The following BABAM2 variants were observed in gnomAD, a reference collection of about 807,000 sequenced individuals.
The protein encoded by BABAM2 is BRISC and BRCA1-A complex member 2.
In BABAM2, 31 loss-of-function variants were observed where a neutral mutation model predicts 54.7. The observed-to-expected ratio is 0.57, with a 90% CI of 0.43 to 0.77. The LOEUF (loss-of-function observed/expected upper bound fraction) is 0.77, where lower values mean the gene tolerates loss of function less well. BABAM2 is among the 30% of genes least tolerant of loss of function. The probability of loss-of-function intolerance (pLI) is 0.00; values close to 1 mark genes in which losing one functional copy is unlikely to be tolerated. For missense variants in BABAM2, 364 were observed against 455.8 expected, an observed-to-expected ratio of 0.80 and a Z score of 1.83; for synonymous variants, 167 against 162.9, an observed-to-expected ratio of 1.03 and a Z score of -0.19.
intron 3 of BABAM2, among the ~76,000 whole-genome samples, chr2:27,971,708 A>G (rs541520372): frequency 5.3e-5 from 8 of 151,822 alleles, no homozygotes; most frequent in African/African-American, 1.4e-4. Context: ...TTTTTTTTCA[A>G]TGTTTTACTA....
At chr2:28,232,351 C>G (rs1681489028) in intron 7 of BABAM2, among the ~76,000 whole-genome samples, 1 of 152,222 alleles carries the variant, frequency 6.6e-6, no homozygotes. Flanking sequence ...GCCAAGCTTT[C>G]AGACAGGCTG....
intron 6 of BABAM2, among the ~76,000 whole-genome samples, chr2:28,075,741 G>A (rs1664604896): frequency 6.6e-6 from 1 of 152,118 alleles, no homozygotes; most frequent in South Asian, 2.1e-4. Flanking sequence ...AGAAGTCACT[G>A]CAAATAGGCA....
At chr2:28,120,447 G>A (rs1490721047) in intron 6 of BABAM2, among the ~76,000 whole-genome samples, 1 of 152,160 alleles carries the variant, frequency 6.6e-6, no homozygotes, top group Admixed American at 6.5e-5. Flanking sequence ...AGAGGATATA[G>A]TATCATGATT....
chr2:28,252,230 AAATT>A (rs1169095858), intron 10 of BABAM2, among the ~76,000 whole-genome samples: 1 of 152,044 alleles, frequency 6.6e-6, no homozygotes, highest in Non-Finnish European at 1.5e-5. Flanking sequence ...ACAGGAATGA[AAATT>A]AATTATCAAC....
intron 11 of BABAM2, among the ~76,000 whole-genome samples, chr2:28,315,126 G>A (rs1689417496): frequency 7.5e-6 from 1 of 133,308 alleles, no homozygotes; most frequent in South Asian, 2.3e-4. Flanking sequence ...GGGAAGGGAA[G>A]GGAGAGAAGG....
intron 11 of BABAM2, among the ~76,000 whole-genome samples, chr2:28,314,828 G>C (rs1172397112): frequency 6.6e-6 from 1 of 152,016 alleles, no homozygotes; most frequent in Non-Finnish European, 1.5e-5. Flanking sequence ...GGTAGGATTT[G>C]ATGTGCAGAG....
At chr2:27,911,232 A>T (rs1365869891) in intron 2 of BABAM2, among the ~76,000 whole-genome samples, 1 of 152,188 alleles carries the variant, frequency 6.6e-6, no homozygotes, top group African/African-American at 2.4e-5. Context: ...ATACACTAGT[A>T]TTATGAATAG....
intron 4 of BABAM2, among the ~76,000 whole-genome samples, chr2:28,018,688 TG>T (rs1675026623): frequency 6.6e-6 from 1 of 152,220 alleles, no homozygotes; most frequent in Admixed American, 6.5e-5. Context: ...TTTTTGATTT[TG>T]GTCATTCTTG....
intron 7 of BABAM2, among the ~76,000 whole-genome samples, chr2:28,169,437 T>G (rs1449292785): frequency 6.6e-6 from 1 of 152,126 alleles, no homozygotes; most frequent in Non-Finnish European, 1.5e-5. Context: ...TGACAAGCAT[T>G]TATTCCCCAA....
At chr2:28,165,050 T>C (rs1673499115) in intron 7 of BABAM2, among the ~76,000 whole-genome samples, 1 of 152,220 alleles carries the variant, frequency 6.6e-6, no homozygotes, top group African/African-American at 2.4e-5. Flanking sequence ...TTTGTTTAGC[T>C]CCTACTGTGT....
At chr2:28,081,075 A>G (rs1402775321) in intron 6 of BABAM2, among the ~76,000 whole-genome samples, 1 of 152,200 alleles carries the variant, frequency 6.6e-6, no homozygotes, top group Non-Finnish European at 1.5e-5. Flanking sequence ...CCTTCCTAGC[A>G]GTTGGTGAAG....
chr2:27,901,708 A>G (rs890230447), intron 2 of BABAM2, among the ~76,000 whole-genome samples: 1 of 152,170 alleles, frequency 6.6e-6, no homozygotes, highest in Non-Finnish European at 1.5e-5. Context: ...ATTTTTGTCT[A>G]TGGCCATACC....
In BABAM2 at chr2:28,135,570, G is replaced by A. The variant is rs148741444; in HGVS notation, c.680+6190G>A. Among the ~76,000 whole-genome samples, 652 of 152,190 alleles carry A rather than the reference G, an allele frequency of 4.3e-3. 7 individuals carry two copies. The highest frequency in any genetic ancestry group is 0.015 in the African/African-American group (621 of 41,504). On this transcript the variant is annotated intron_variant, in intron 7 of 11. Coordinates refer to ENST00000379624, the MANE Select transcript of BABAM2 (RefSeq NM_199191.3). Reference sequence around the variant, plus strand: ...TACAGATCTGCTTCTCTAACCACTAGATAGACATGTCTATCTGTGTGTTCA... The same window carrying A: ...TACAGATCTGCTTCTCTAACCACTAAATAGACATGTCTATCTGTGTGTTCA...
intron 7 of BABAM2, chr2:28,134,413 C>A (rs1450362340): frequency 2.0e-5 from 3 of 152,276 alleles, no homozygotes; most frequent in African/African-American, 7.2e-5. Context: ...TGTAGTGAAC[C>A]CAAAGGTTAA....
At position 28,029,193 on chromosome 2, in the gene BABAM2, T is replaced by G. The variant is rs78902596; in HGVS notation, c.495+3773T>G. The stretch of plus-strand genomic sequence containing the variant: ...TTGTTCAGTTCAAGGTTTTTTTCCT[T>G]TTGTAAAGTCTTGAATTTATATTTC... On this transcript the variant is annotated intron_variant, in intron 5 of 11. Coordinates refer to ENST00000379624, the MANE Select transcript of BABAM2 (RefSeq NM_199191.3). Among the ~76,000 whole-genome samples, 407 of 152,342 alleles carry G rather than the reference T, an allele frequency of 2.7e-3. 14 individuals are homozygous for G. In the East Asian group the frequency reaches 0.07, roughly 26 times the overall value.
intron 3 of BABAM2, among the ~76,000 whole-genome samples, chr2:27,932,133 T>C (rs146278867): frequency 6.6e-6 from 1 of 152,296 alleles, no homozygotes; most frequent in African/African-American, 2.4e-5. Context: ...TACCTACTTA[T>C]CTTGCTGGCA....
chr2:28,237,181 A>G lies in BABAM2; in HGVS notation c.681-21A>G, dbSNP rs897662350. 5.0e-6 allele frequency: 8 copies of G among 1,599,188 alleles called. No homozygotes were observed. In the Admixed American group the frequency reaches 1.3e-4, roughly 27 times the overall value. ...TGCTTGAGCCCTAAGAGAAGTGTCC[A>G]TTGTACTCTTGTCCTTTCAGTGCAC... is the stretch of plus-strand genomic sequence containing the variant. On this transcript the variant is annotated intron_variant, in intron 7 of 11. Coordinates refer to ENST00000379624, the MANE Select transcript of BABAM2 (RefSeq NM_199191.3).
intron 6 of BABAM2, among the ~76,000 whole-genome samples, chr2:28,056,802 G>A (rs537980507): frequency 6.6e-6 from 1 of 152,236 alleles, no homozygotes; most frequent in Non-Finnish European, 1.5e-5. Context: ...GCAAGCTTTG[G>A]AGGCATACTG....
intron 7 of BABAM2, among the ~76,000 whole-genome samples, chr2:28,156,795 A>G (rs1382919983): frequency 6.6e-6 from 1 of 152,014 alleles, no homozygotes; most frequent in Non-Finnish European, 1.5e-5. Flanking sequence ...GGTTGAATTG[A>G]AAAAAAATTG....
Sources: gnomAD v4.1 joint callset for allele counts (sites outside exome capture counted in the v4.1 genomes callset) on GRCh38, gnomAD v4.1.1 for gene constraint, MANE v1.5 for transcripts, NCBI Gene and HGNC (gene_info 2026-07-23, HGNC 2026-07-21) for gene names.